EPB41L5: variants seen among roughly 807,000 people sequenced by gnomAD.
EPB41L5 encodes erythrocyte membrane protein band 4.1 like 5.
A neutral mutation model predicts 106.6 loss-of-function variants in EPB41L5; 55 were observed. The observed-to-expected ratio is 0.52, with a 90% CI of 0.42 to 0.65. The LOEUF is 0.65. Among genes scored for constraint, EPB41L5 ranks in the 30% least tolerant of loss-of-function variants. The pLI is 0.00. For missense variants in EPB41L5, 871 were observed against 882.1 expected (o/e 0.99, Z 0.16); for synonymous variants, 297 against 306.7 (o/e 0.97, Z 0.33).
chr2:120,116,935 C>T (rs4849824), intron 16 of EPB41L5, among the ~76,000 whole-genome samples: 96,724 of 151,914 alleles, frequency 0.64, 32,127 homozygotes, highest in Middle Eastern at 0.74. Flanking sequence ...ATATAAAAAT[C>T]CAAAAGGATT....
At chr2:120,171,543 CTG>C in intron 24 of EPB41L5, among the ~76,000 whole-genome samples, 1 of 152,340 alleles carries the variant, frequency 6.6e-6, no homozygotes, top group East Asian at 1.9e-4. Context: ...AGTCCACACA[CTG>C]AAGGGTGAAA....
At chr2:120,056,664 T>G (rs1408825129) in intron 3 of EPB41L5, among the ~76,000 whole-genome samples, 1 of 104,622 alleles carries the variant, frequency 9.6e-6, no homozygotes, top group African/African-American at 3.8e-5. Flanking sequence ...GTCTGTAGTT[T>G]TCTTGTGACT....
At chr2:120,074,310 G>A in intron 5 of EPB41L5, 132 bp downstream of exon 5, 1 of 613,108 alleles carries the variant, frequency 1.6e-6, no homozygotes, top group Admixed American at 3.4e-5. Flanking sequence ...TCAAATAATA[G>A]AATTTTATTC....
intron 16 of EPB41L5, among the ~76,000 whole-genome samples, chr2:120,115,337 A>C (rs979280677): frequency 1.3e-5 from 2 of 152,086 alleles, no homozygotes; most frequent in African/African-American, 4.8e-5. Flanking sequence ...TTCTTCCATT[A>C]CTGCCTTTTG....
intron 3 of EPB41L5, among the ~76,000 whole-genome samples, chr2:120,047,224 G>A (rs1035377996): frequency 2.0e-5 from 3 of 152,108 alleles, no homozygotes; most frequent in East Asian, 1.9e-4. Context: ...TGATGGGGAC[G>A]GCATTGAATC....
chr2:120,128,629 A>C (rs1374840074), intron 17 of EPB41L5, among the ~76,000 whole-genome samples: 8 of 152,154 alleles, frequency 5.3e-5, no homozygotes, highest in Non-Finnish European at 1.0e-4. Context: ...GAACATGTTG[A>C]AGTATGACTG....
chr2:120,085,714 C>T (rs1433405361), intron 10 of EPB41L5, among the ~76,000 whole-genome samples: 1 of 152,138 alleles, frequency 6.6e-6, no homozygotes. Flanking sequence ...TTACGGTTGT[C>T]CCTTGATGCG....
chr2:120,026,357 TTTTGTTTGTTTG>T (rs146589355), intron 2 of EPB41L5, among the ~76,000 whole-genome samples: 38 of 151,308 alleles, frequency 2.5e-4, no homozygotes, highest in African/African-American at 8.8e-4. Context: ...CTTTCTGTTT[TTTTGTTTGTTTG>T]TTTGTTTGTT....
At chr2:120,173,187 C>A (rs924614270) in intron 24 of EPB41L5, among the ~76,000 whole-genome samples, 48 of 152,274 alleles carry the variant, frequency 3.2e-4, no homozygotes, top group Admixed American at 5.9e-4. Context: ...AAAATATTTA[C>A]ATAATTACAA....
chr2:120,031,857 G>A lies in EPB41L5; in HGVS notation c.181-10149G>A, dbSNP rs547650848. On this transcript the variant is annotated intron_variant, in intron 2 of 24. Coordinates refer to ENST00000263713, the MANE Select transcript of EPB41L5 (RefSeq NM_020909.4). ...AGAATCAAGAGTTCATTAGAAGGGC[G>A]CAGTGTGGTAACTCACATCTGTTAT... is the stretch of plus-strand genomic sequence containing the variant. Among the ~76,000 whole-genome samples the A allele has an allele frequency of 3.7e-4, 57 of 152,102 alleles. 1 individual carries two copies. The highest frequency in any genetic ancestry group is 7.8e-4 in the Non-Finnish European group (53 of 68,030).
intron 10 of EPB41L5, among the ~76,000 whole-genome samples, chr2:120,079,039 T>G (rs990130745): frequency 6.6e-6 from 1 of 152,208 alleles, no homozygotes; most frequent in African/African-American, 2.4e-5. Context: ...TGTTTTACTT[T>G]TACATCAAGG....
At chr2:120,048,613 A>C (rs1679995198) in intron 3 of EPB41L5, among the ~76,000 whole-genome samples, 1 of 151,358 alleles carries the variant, frequency 6.6e-6, no homozygotes, top group Non-Finnish European at 1.5e-5. Context: ...TCCTGCATTG[A>C]TTGATTTTTT....
intron 12 of EPB41L5, 82 bp downstream of exon 12, chr2:120,090,598 A>G: frequency 1.6e-6 from 2 of 1,235,888 alleles, no homozygotes; most frequent in African/African-American, 1.5e-5. Flanking sequence ...TTTTACAGAT[A>G]TGGTAACTAA....
intron 16 of EPB41L5, among the ~76,000 whole-genome samples, chr2:120,113,234 AT>A (rs138258933): frequency 5.9e-5 from 9 of 152,340 alleles, no homozygotes; most frequent in Non-Finnish European, 1.3e-4. Flanking sequence ...CAAATCATGT[AT>A]ATATTAGTAA....
intron 2 of EPB41L5, among the ~76,000 whole-genome samples, chr2:120,035,875 C>G (rs1679009581): frequency 6.6e-6 from 1 of 152,076 alleles, no homozygotes; most frequent in African/African-American, 2.4e-5. Flanking sequence ...CATGAATGAT[C>G]ATAAAACTTA....
At chr2:120,083,767 T>C (rs1682860012) in intron 10 of EPB41L5, among the ~76,000 whole-genome samples, 1 of 152,232 alleles carries the variant, frequency 6.6e-6, no homozygotes, top group Admixed American at 6.5e-5. Flanking sequence ...GCACTTGCTT[T>C]ATGAATCTGG....
intron 16 of EPB41L5, among the ~76,000 whole-genome samples, chr2:120,123,016 C>A (rs1306584955): frequency 6.6e-6 from 1 of 152,138 alleles, no homozygotes; most frequent in Non-Finnish European, 1.5e-5. Flanking sequence ...ATTTTTGTAT[C>A]CTGAGACTTT....
At chr2:120,140,260 C>G (rs536991784) in intron 18 of EPB41L5, among the ~76,000 whole-genome samples, 9 of 151,916 alleles carry the variant, frequency 5.9e-5, no homozygotes, top group African/African-American at 2.2e-4. Context: ...AGGGTGACTA[C>G]AGTCAATAAC....
chr2:120,043,603 C>T (rs912762936), intron 3 of EPB41L5, among the ~76,000 whole-genome samples: 15 of 150,540 alleles, frequency 1.0e-4, no homozygotes, highest in East Asian at 5.9e-4. Flanking sequence ...CTGGGCGTGG[C>T]GGTGCATGCC....
Sources: gnomAD v4.1 joint callset for allele counts (sites outside exome capture counted in the v4.1 genomes callset) on GRCh38, gnomAD v4.1.1 for gene constraint, MANE v1.5 for transcripts, NCBI Gene and HGNC (gene_info 2026-07-23, HGNC 2026-07-21) for gene names.